The following TRPM3 variants were observed in gnomAD, a reference collection of about 807,000 sequenced individuals.
TRPM3 encodes the protein long transient receptor potential channel 3.
Under a neutral mutation model 181.2 loss-of-function variants are expected in TRPM3, and 77 were observed. That is an observed-to-expected ratio of 0.42 (90% CI 0.35 to 0.51). TRPM3 has a LOEUF of 0.51. Ranked by LOEUF, TRPM3 falls within the 20% of genes least tolerant of loss-of-function variation. The pLI is 0.01. For missense variants in TRPM3, 1,759 were observed against 2,196.7 expected, an observed-to-expected ratio of 0.80 and a Z score of 3.98; for synonymous variants, 745 against 796.4, an observed-to-expected ratio of 0.94 and a Z score of 1.09.
intron 1 of TRPM3, among the ~76,000 whole-genome samples, chr9:71,056,972 T>A (rs746407805): frequency 5.3e-5 from 8 of 151,998 alleles, no homozygotes; most frequent in Non-Finnish European, 1.0e-4. Flanking sequence ...TGAGAGGAAA[T>A]GTTTTGGGGG....
At chr9:70,599,778 T>A (rs1218465530) in intron 20 of TRPM3, among the ~76,000 whole-genome samples, 2 of 152,192 alleles carry the variant, frequency 1.3e-5, no homozygotes, top group Admixed American at 6.5e-5. Flanking sequence ...TTACCCTATT[T>A]ATTTTTTTGA....
At chr9:70,766,574 C>G (rs1182702601) in intron 7 of TRPM3, among the ~76,000 whole-genome samples, 1 of 152,194 alleles carries the variant, frequency 6.6e-6, no homozygotes, top group Non-Finnish European at 1.5e-5. Flanking sequence ...ATCTAATTCT[C>G]TAAAGAAAAA....
chr9:71,016,235 G>GGTGTGT (rs145080356), intron 1 of TRPM3, among the ~76,000 whole-genome samples: 1 of 146,198 alleles, frequency 6.8e-6, no homozygotes, highest in East Asian at 2.0e-4. Flanking sequence ...ATACATGTGT[G>GGTGTGT]GTGTGTGTGT....
At chr9:70,665,259 G>T (rs2061689606) in intron 9 of TRPM3, among the ~76,000 whole-genome samples, 1 of 152,014 alleles carries the variant, frequency 6.6e-6, no homozygotes, top group Non-Finnish European at 1.5e-5. Flanking sequence ...CACTCACTCT[G>T]AAGAACTGTT....
chr9:70,761,146 G>T, intron 8 of TRPM3: 1 of 346,340 alleles, frequency 2.9e-6, no homozygotes, highest in East Asian at 5.2e-5. Flanking sequence ...GATTCCTCCA[G>T]GATTTCTTAT....
intron 1 of TRPM3, among the ~76,000 whole-genome samples, chr9:71,107,273 T>C (rs1409716335): frequency 6.6e-6 from 1 of 152,298 alleles, no homozygotes; most frequent in Middle Eastern, 3.4e-3. Context: ...ATCTCTAGCA[T>C]GCGTCCTTGC....
At chr9:70,696,073 G>A (rs897360011) in intron 8 of TRPM3, among the ~76,000 whole-genome samples, 4 of 152,128 alleles carry the variant, frequency 2.6e-5, no homozygotes, top group African/African-American at 9.7e-5. Flanking sequence ...GCTGTTACTT[G>A]GACAATCAGC....
intron 1 of TRPM3, among the ~76,000 whole-genome samples, chr9:71,174,844 A>C (rs144465361): frequency 6.6e-6 from 1 of 152,226 alleles, no homozygotes; most frequent in East Asian, 1.9e-4. Context: ...CCACACATTA[A>C]GTATGAGAGT....
chr9:70,761,449 G>A (rs954751947), intron 8 of TRPM3, 152 bp downstream of exon 8: 2 of 957,268 alleles, frequency 2.1e-6, no homozygotes, highest in African/African-American at 3.2e-5. Context: ...TAGTTACTTA[G>A]GAGAGGAAGC....
At chr9:70,635,288 A>G in intron 11 of TRPM3, 27 bp from the exon 12 acceptor site, 1 of 1,610,458 alleles carries the variant, frequency 6.2e-7, no homozygotes, top group Non-Finnish European at 8.5e-7. Flanking sequence ...AGAATCAAAC[A>G]GTTTTGCTAG....
At position 71,082,552 on chromosome 9, in the gene TRPM3, T is replaced by C. The variant is rs77411924; in HGVS notation, c.177+38626A>G. Among the ~76,000 whole-genome samples, 1,067 of 152,304 alleles carry C rather than the reference T, an allele frequency of 7.0e-3. 30 individuals carry two copies. Among genetic ancestry groups the C allele is most frequent in the East Asian group, 0.066 (343 of 5,172 alleles). On this transcript the variant is annotated intron_variant, in intron 1 of 25. Coordinates refer to ENST00000677713, the MANE Select transcript of TRPM3 (RefSeq NM_001366145.2). The stretch of plus-strand genomic sequence containing the variant: ...GACATAAGTCACAAACACTGTTAAA[T>C]GATAGTTCACAAGGTACCTTAACTT...
At chr9:71,406,436 A>G (rs1337264331) in intron 1 of TRPM3, among the ~76,000 whole-genome samples, 2 of 152,218 alleles carry the variant, frequency 1.3e-5, no homozygotes, top group East Asian at 1.9e-4. Context: ...GTTAACTTAG[A>G]TAAGTGTTGC....
At chr9:71,059,188 T>C (rs1334384423) in intron 1 of TRPM3, among the ~76,000 whole-genome samples, 1 of 151,806 alleles carries the variant, frequency 6.6e-6, no homozygotes, top group Non-Finnish European at 1.5e-5. Context: ...CCCTCCAGGC[T>C]TCTTGAAAGC....
chr9:70,572,914 C>T (rs896214392), intron 22 of TRPM3, among the ~76,000 whole-genome samples: 3 of 152,174 alleles, frequency 2.0e-5, no homozygotes, highest in African/African-American at 7.2e-5. Flanking sequence ...TTCAATTGTT[C>T]TCAATCTTCT....
intron 1 of TRPM3, among the ~76,000 whole-genome samples, chr9:71,220,166 G>T (rs1470684809): frequency 6.6e-6 from 1 of 151,976 alleles, no homozygotes. Flanking sequence ...TAAATAACTG[G>T]ACTCAAAAGA....
intron 1 of TRPM3, among the ~76,000 whole-genome samples, chr9:70,943,280 T>C (rs146028846): frequency 1.6e-4 from 25 of 152,342 alleles, no homozygotes; most frequent in Middle Eastern, 3.4e-3. Context: ...TATATGAATT[T>C]GACTCAATAA....
At chr9:70,964,812 G>T (rs189548330) in intron 1 of TRPM3, among the ~76,000 whole-genome samples, 13 of 152,124 alleles carry the variant, frequency 8.5e-5, no homozygotes, top group Admixed American at 8.5e-4. Flanking sequence ...GCAATCAGAA[G>T]AATTTTCTAA....
At chr9:70,884,920 G>A (rs1275397102) in intron 1 of TRPM3, among the ~76,000 whole-genome samples, 1 of 152,190 alleles carries the variant, frequency 6.6e-6, no homozygotes, top group Non-Finnish European at 1.5e-5. Flanking sequence ...TGAGTCTCCA[G>A]ATTCTCAACT....
intron 9 of TRPM3, among the ~76,000 whole-genome samples, chr9:70,642,879 T>A (rs2133619575): frequency 6.6e-6 from 1 of 152,284 alleles, no homozygotes; most frequent in African/African-American, 2.4e-5. Flanking sequence ...AGCCTAAGGT[T>A]CTGTGTTTCT....
Sources: allele counts gnomAD v4.1 joint callset (sites outside exome capture counted in the v4.1 genomes callset), GRCh38; gene constraint gnomAD v4.1.1; transcripts MANE v1.5; gene names NCBI Gene and HGNC (gene_info 2026-07-23, HGNC 2026-07-21).